The following TSBP1 variants were observed in gnomAD, a reference collection of about 807,000 sequenced individuals.
The protein encoded by TSBP1 is testis expressed basic protein 1, also known as testis-expressed basic protein 1.
TSBP1 carries 56 observed loss-of-function variants against 68.8 expected under a neutral mutation model. The observed-to-expected ratio is 0.81, with a 90% CI of 0.66 to 1.02. The LOEUF (loss-of-function observed/expected upper bound fraction) is 1.02. Among genes scored for constraint, TSBP1 ranks in the 50% least tolerant of loss-of-function variants. The pLI, the probability that TSBP1 is intolerant of heterozygous loss-of-function variation, is 0.00. For missense variants in TSBP1, 502 were observed against 641.2 expected, an observed-to-expected ratio of 0.78 and a Z score of 2.34; for synonymous variants, 171 against 208.7, an observed-to-expected ratio of 0.82 and a Z score of 1.56.
intron 8 of TSBP1, among the ~76,000 whole-genome samples, chr6:32,354,294 G>A (rs28732196): frequency 0.024 from 3,585 of 152,002 alleles, 67 homozygotes; most frequent in South Asian, 0.057. Flanking sequence ...ATTTATATAG[G>A]GTGAAGCCTC....
At chr6:32,295,350 A>ACACACACACACACAC (rs1491234107) in intron 22 of TSBP1, among the ~76,000 whole-genome samples, 1 of 55,276 alleles carries the variant, frequency 1.8e-5, no homozygotes, top group Non-Finnish European at 3.4e-5. Context: ...ACACACACAC[A>ACACACACACACACAC]AAAAAAAAAA....
chr6:32,360,591 A>C (rs912238329), intron 6 of TSBP1, among the ~76,000 whole-genome samples: 5 of 152,132 alleles, frequency 3.3e-5, no homozygotes, highest in Admixed American at 1.3e-4. Context: ...ATCATATGGT[A>C]GTTCTATTTT....
chr6:32,295,467 T>C (rs1463529159), intron 22 of TSBP1, among the ~76,000 whole-genome samples: 3 of 152,202 alleles, frequency 2.0e-5, no homozygotes, highest in Non-Finnish European at 4.4e-5. Flanking sequence ...ATATTTAGTT[T>C]GATCTGCTCA....
intron 19 of TSBP1, among the ~76,000 whole-genome samples, chr6:32,307,699 A>G (rs1291948419): frequency 1.3e-5 from 2 of 151,364 alleles, no homozygotes; most frequent in African/African-American, 2.4e-5. Context: ...AGGCTATGCT[A>G]TAAGCTCACA....
At chr6:32,328,087 G>A (rs1768479560) in intron 16 of TSBP1, among the ~76,000 whole-genome samples, 1 of 151,976 alleles carries the variant, frequency 6.6e-6, no homozygotes, top group Non-Finnish European at 1.5e-5. Flanking sequence ...ACAGGCGTGA[G>A]CCACCAGTGC....
In TSBP1 at chr6:32,336,727, A is replaced by G. The variant is rs1013349198; in HGVS notation, c.410-92T>C. 6 of 1,182,610 alleles carry G rather than the reference A, an allele frequency of 5.1e-6. No homozygotes were observed. Among genetic ancestry groups the G allele is most frequent in the African/African-American group, 3.0e-5 (2 of 65,994 alleles). The allele number at this position is 1,182,610 out of a possible 1,614,324, so 73.3% of individuals were successfully genotyped here. On this transcript the variant is annotated intron_variant, in intron 11 of 22. Transcript: ENST00000612031. The surrounding 1 kb of genome is among the most constrained non-coding windows in gnomAD (Gnocchi z 5.2). Reference sequence around the variant, plus strand: ...TCTAAAGAAACTATGAAGCAATTCAACCAGAGGAGAACAACTACTGTGGGA... The same window carrying G: ...TCTAAAGAAACTATGAAGCAATTCAGCCAGAGGAGAACAACTACTGTGGGA...
intron 22 of TSBP1, among the ~76,000 whole-genome samples, chr6:32,299,378 A>G (rs1765053733): frequency 6.6e-6 from 1 of 152,184 alleles, no homozygotes; most frequent in African/African-American, 2.4e-5. Context: ...AGGAGATGGT[A>G]TTTTGTTTTT....
chr6:32,293,397 C>T, exon 23 of TSBP1: 1 of 1,612,762 alleles, frequency 6.2e-7, no homozygotes, highest in Non-Finnish European at 8.5e-7. Context: ...TCTACTTGGC[C>T]TTCTTGTCCT....
intron 4 of TSBP1, among the ~76,000 whole-genome samples, chr6:32,366,625 G>C (rs9268371): frequency 0.098 from 14,939 of 151,976 alleles, 1,132 homozygotes; most frequent in African/African-American, 0.2. Flanking sequence ...AATTGGCCGG[G>C]CATGGTGGCA....
intron 15 of TSBP1, among the ~76,000 whole-genome samples, chr6:32,331,654 G>C (rs1327684084): frequency 1.3e-5 from 2 of 152,142 alleles, no homozygotes; most frequent in African/African-American, 4.8e-5. Context: ...ACAAGGGCCA[G>C]AACCCCCTCA....
At chr6:32,303,307 A>G (rs1428930806) in intron 19 of TSBP1, among the ~76,000 whole-genome samples, 2 of 135,346 alleles carry the variant, frequency 1.5e-5, no homozygotes, top group African/African-American at 3.0e-5. Context: ...CTTCAGTTCT[A>G]GTACGTGTTT....
intron 6 of TSBP1, among the ~76,000 whole-genome samples, chr6:32,362,754 G>A (rs2127653547): frequency 6.6e-6 from 1 of 152,286 alleles, no homozygotes; most frequent in East Asian, 1.9e-4. Flanking sequence ...TTTATTATAG[G>A]AGTTTTATAG....
Position 32,302,710 on chromosome 6 carries a change from A to T in TSBP1, c.581-81T>A, listed in dbSNP as rs1378889605. The T allele has an allele frequency of 5.8e-6, 6 of 1,029,434 alleles. No individual in the cohort carries two copies. Among genetic ancestry groups the T allele is most frequent in the Non-Finnish European group, 8.7e-6 (6 of 692,730 alleles). 63.8% of individuals were successfully genotyped at this position (1,029,434 alleles called of 1,614,324 possible). A position where few individuals can be genotyped will look rare whatever the true frequency, so the allele number is the denominator to read the frequency against. On this transcript the variant is annotated intron_variant, in intron 19 of 22. Transcript: ENST00000612031. The surrounding 1 kb of genome is among the most constrained non-coding windows in gnomAD (Gnocchi z 5.1). ...AGTTCTTTCCTACTCCCAATTCCCT[A>T]GTTGTTTTTTCTAGGGTACCATAAA... is the stretch of plus-strand genomic sequence containing the variant.
At chr6:32,317,913 C>G (rs1338028436) in intron 18 of TSBP1, among the ~76,000 whole-genome samples, 1 of 152,010 alleles carries the variant, frequency 6.6e-6, no homozygotes, top group African/African-American at 2.4e-5. Context: ...CTCAAAGACC[C>G]CAAAACGGAG....
chr6:32,325,422 GA>G lies in TSBP1; in HGVS notation c.515-1809del. On this transcript the variant is annotated intron_variant, in intron 16 of 22. Coordinates refer to ENST00000612031, the Ensembl canonical transcript of TSBP1. This position sits in a 1 kb window ranked among gnomAD's most constrained non-coding sequence, Gnocchi z 4.4. ...CACATATGCCACTGTGGAGGAGGTGGATGCAGCCGTGAATGCAAGGCCACAC... is the reference window on the plus strand; with the variant it reads ...CACATATGCCACTGTGGAGGAGGTGGTGCAGCCGTGAATGCAAGGCCACAC... 1.1e-6 allele frequency: 1 copy of G among 927,658 alleles called. No individual in the cohort carries two copies. Among genetic ancestry groups the G allele is most frequent in the Non-Finnish European group, 1.8e-6 (1 of 570,022 alleles). 57.5% of individuals were successfully genotyped at this position (927,658 alleles called of 1,614,324 possible).
At chr6:32,349,824 T>G in exon 9 of TSBP1, 1 of 1,585,894 alleles carries the variant, frequency 6.3e-7, no homozygotes, top group Non-Finnish European at 8.7e-7. Flanking sequence ...TTAGATGCCA[T>G]AGACACTATA....
At chr6:32,367,052 CGTGTGT>C (rs3038518) in intron 4 of TSBP1, among the ~76,000 whole-genome samples, 15 of 148,342 alleles carry the variant, frequency 1.0e-4, no homozygotes, top group South Asian at 2.1e-4. Flanking sequence ...ATGCTTGTAG[CGTGTGT>C]GTGTGTGTGT....
rs1042501724 is a variant in TSBP1, at chr6:32,321,045, A to T, written c.559+2072T>A. 6.6e-6 allele frequency among the ~76,000 whole-genome samples: 1 copy of T among 152,126 alleles called. No individual in the cohort carries two copies. Among genetic ancestry groups the T allele is most frequent in the African/African-American group, 2.4e-5 (1 of 41,418 alleles). ...TCTTTTTTTGGCTGCGTAGTATTCC[A>T]TGGTGTATATGTATCACATTTTCTT... is the stretch of plus-strand genomic sequence containing the variant. On this transcript the variant is annotated intron_variant, in intron 18 of 22. Coordinates refer to ENST00000612031, the Ensembl canonical transcript of TSBP1. The surrounding 1 kb of genome is among the most constrained non-coding windows in gnomAD (Gnocchi z 4.3).
At chr6:32,368,677 T>C (rs901745041) in intron 3 of TSBP1, 105 bp downstream of exon 3, 2 of 1,224,724 alleles carry the variant, frequency 1.6e-6, no homozygotes, top group African/African-American at 2.9e-5. Flanking sequence ...TGGTGCACTA[T>C]GCAAGGTTCT....
Sources: gnomAD v4.1 joint callset for allele counts (sites outside exome capture counted in the v4.1 genomes callset) on GRCh38, gnomAD v4.1.1 for gene constraint, Gnocchi (gnomAD v3.1) non-coding constraint, MANE v1.5 for transcripts, NCBI Gene and HGNC (gene_info 2026-07-23, HGNC 2026-07-21) for gene names.